The following P4HA1 variants were observed in gnomAD, a reference collection of about 807,000 sequenced individuals.
P4HA1 encodes prolyl 4-hydroxylase subunit alpha-1.
A neutral mutation model predicts 72.8 loss-of-function variants in P4HA1; 24 were observed. The ratio of observed to expected loss-of-function variants is 0.33; its 90% CI spans 0.24 to 0.46. The LOEUF is 0.46. P4HA1 is among the 20% of genes least tolerant of loss of function. P4HA1 has a pLI of 1.00. For synonymous variants in P4HA1, 201 were observed against 218.8 expected, an observed-to-expected ratio of 0.92 and a Z score of 0.72; for missense variants, 446 against 640.6, an observed-to-expected ratio of 0.70 and a Z score of 3.28.
chr10:73,073,745 T>C lies in P4HA1; in HGVS notation c.159A>G (p.Leu53=), dbSNP rs1171959077. 4 of 1,508,726 alleles carry C rather than the reference T, an allele frequency of 2.7e-6. No individual in the cohort carries two copies. Among genetic ancestry groups the C allele is most frequent in the Non-Finnish European group, 3.7e-6 (4 of 1,084,358 alleles). 93.5% of individuals were successfully genotyped at this position (1,508,726 alleles called of 1,614,324 possible). A position where few individuals can be genotyped will look rare whatever the true frequency, so the allele number is the denominator to read the frequency against. Residue 53 remains leucine (L), a synonymous_variant, in exon 3 of 15, where the codon TTA becomes TTG. Transcript: ENST00000394890. ...KDYIKAEEDK[L]EQIKKWAEKL... The stretch of plus-strand genomic sequence containing the variant: ...ATTTTGCTTACTTTTTTATTTGTTC[T>C]AACTTGTCCTCTTCTGCCTTAATAT...
Position 73,012,894 on chromosome 10 carries a change from C to G in P4HA1, c.1368+1330G>C, listed in dbSNP as rs1269689170. The stretch of plus-strand genomic sequence containing the variant: ...CACTGCAACCTCTGCCTCCCAGGTT[C>G]AAGTGATTCTCGTGCCTCAGCCTCC... On this transcript the variant is annotated intron_variant, in intron 12 of 14. Coordinates refer to ENST00000394890, the MANE Select transcript of P4HA1 (RefSeq NM_001017962.3). Among the ~76,000 whole-genome samples the G allele has an allele frequency of 5.3e-5, 8 of 152,212 alleles. No homozygotes were observed. The East Asian group carries it at 1.4e-3, about 26-fold the overall frequency.
chr10:73,074,095 AT>A (rs1220020422), intron 2 of P4HA1: 1 of 321,150 alleles, frequency 3.1e-6, no homozygotes, highest in Non-Finnish European at 5.7e-6. Context: ...CTACAAATGT[AT>A]TTTTAAATTG....
intron 1 of P4HA1, among the ~76,000 whole-genome samples, chr10:73,093,951 T>TA (rs1396152413): frequency 3.5e-5 from 5 of 144,140 alleles, no homozygotes; most frequent in African/African-American, 5.1e-5. Flanking sequence ...TTGGATTTTT[T>TA]ATATATATTC....
chr10:73,057,404 G>A (rs1237934819), intron 5 of P4HA1, among the ~76,000 whole-genome samples: 1 of 151,998 alleles, frequency 6.6e-6, no homozygotes, highest in Non-Finnish European at 1.5e-5. Flanking sequence ...GCAGGAGAAT[G>A]GCATGAACCT....
intron 1 of P4HA1, among the ~76,000 whole-genome samples, chr10:73,086,138 G>A (rs1251436603): frequency 6.6e-6 from 1 of 152,164 alleles, no homozygotes; most frequent in African/African-American, 2.4e-5. Context: ...CAAAAAAGCT[G>A]AACAGAATAA....
intron 9 of P4HA1, among the ~76,000 whole-genome samples, chr10:73,038,446 A>G (rs1348409316): frequency 6.6e-6 from 1 of 152,094 alleles, no homozygotes; most frequent in Non-Finnish European, 1.5e-5. Flanking sequence ...GTTTATTTGC[A>G]TAGGTCATTA....
intron 1 of P4HA1, among the ~76,000 whole-genome samples, chr10:73,089,458 A>G (rs1841984682): frequency 6.6e-6 from 1 of 152,026 alleles, no homozygotes; most frequent in South Asian, 2.1e-4. Flanking sequence ...TAGCTATTGC[A>G]CTCCTAGGCA....
intron 10 of P4HA1, among the ~76,000 whole-genome samples, chr10:73,026,893 AT>A (rs1441275060): frequency 1.3e-5 from 2 of 152,276 alleles, no homozygotes; most frequent in Non-Finnish European, 2.9e-5. Flanking sequence ...CAAAACCACA[AT>A]GAGATACCAT....
At chr10:73,022,725 G>T (rs745429109) in intron 10 of P4HA1, among the ~76,000 whole-genome samples, 1 of 152,136 alleles carries the variant, frequency 6.6e-6, no homozygotes, top group African/African-American at 2.4e-5. Context: ...CTAAGCCATC[G>T]CAAGGAAGCT....
At chr10:73,089,927 C>G (rs779472568) in intron 1 of P4HA1, among the ~76,000 whole-genome samples, 3 of 152,144 alleles carry the variant, frequency 2.0e-5, no homozygotes, top group Admixed American at 6.5e-5. Flanking sequence ...GCCTTAATCT[C>G]CAGGCTTTGG....
At chr10:73,086,150 C>T (rs1178715001) in intron 1 of P4HA1, among the ~76,000 whole-genome samples, 1 of 152,180 alleles carries the variant, frequency 6.6e-6, no homozygotes. Context: ...ACAGAATAAC[C>T]ATATGGCCCA....
intron 8 of P4HA1, among the ~76,000 whole-genome samples, chr10:73,045,666 A>T (rs1302184682): frequency 6.6e-6 from 1 of 151,760 alleles, no homozygotes; most frequent in Non-Finnish European, 1.5e-5. Context: ...AATAATTTCA[A>T]TTTTTTTTAA....
chr10:73,071,456 G>C (rs965104499), intron 4 of P4HA1: 3 of 151,894 alleles, frequency 2.0e-5, no homozygotes, highest in Admixed American at 6.6e-5. Context: ...GGCGGCGGGG[G>C]GCGAGGCATA....
At chr10:73,032,039 AAAT>A (rs1195814502) in intron 9 of P4HA1, among the ~76,000 whole-genome samples, 1 of 152,186 alleles carries the variant, frequency 6.6e-6, no homozygotes, top group East Asian at 1.9e-4. Context: ...GAAAGTCATG[AAAT>A]AGGGCAGATA....
At chr10:73,096,159 C>G (rs1013652964) in intron 1 of P4HA1, among the ~76,000 whole-genome samples, 1 of 152,216 alleles carries the variant, frequency 6.6e-6, no homozygotes, top group South Asian at 2.1e-4. Context: ...CTCGGCGCCC[C>G]GGGCTACGTC....
intron 1 of P4HA1, among the ~76,000 whole-genome samples, chr10:73,093,863 A>AT (rs1842091999): frequency 2.9e-5 from 2 of 69,254 alleles, no homozygotes; most frequent in African/African-American, 1.6e-4. Flanking sequence ...AAAAAAAAAA[A>AT]AAAAAAAAAA....
At chr10:73,008,547 CTA>C (rs1229986814) in intron 14 of P4HA1, among the ~76,000 whole-genome samples, 1 of 152,140 alleles carries the variant, frequency 6.6e-6, no homozygotes, top group African/African-American at 2.4e-5. Context: ...ATTTGCCAGT[CTA>C]TGTGCATTTC....
intron 7 of P4HA1, among the ~76,000 whole-genome samples, chr10:73,048,620 G>A (rs985721460): frequency 6.8e-6 from 1 of 146,148 alleles, no homozygotes; most frequent in East Asian, 2.1e-4. Flanking sequence ...AACAAACCGG[G>A]AAATTAGCAG....
At chr10:73,039,542 C>T (rs1273551160) in intron 9 of P4HA1, among the ~76,000 whole-genome samples, 7 of 152,046 alleles carry the variant, frequency 4.6e-5, no homozygotes, top group African/African-American at 1.2e-4. Context: ...CTCCTGACCT[C>T]GGGATCTGCC....
Sources: gnomAD v4.1 joint callset for allele counts (sites outside exome capture counted in the v4.1 genomes callset) on GRCh38, gnomAD v4.1.1 for gene constraint, MANE v1.5 for transcripts, NCBI Gene and HGNC (gene_info 2026-07-23, HGNC 2026-07-21) for gene names.